THSD4: variants seen among roughly 807,000 people sequenced by gnomAD.
THSD4 encodes the protein thrombospondin type-1 domain-containing protein 4.
Under a neutral mutation model 119.0 loss-of-function variants are expected in THSD4, and 69 were observed. That is an observed-to-expected ratio of 0.58 (90% CI 0.48 to 0.71). The LOEUF (loss-of-function observed/expected upper bound fraction) is 0.71, where lower values mean the gene tolerates loss of function less well. Among genes scored for constraint, THSD4 ranks in the 30% least tolerant of loss-of-function variants. The pLI is 0.00. For missense variants in THSD4, 1,393 were observed against 1,391.1 expected (o/e 1.00, Z -0.02); for synonymous variants, 524 against 540.4 (o/e 0.97, Z 0.42).
chr15:71,223,708 A>G (rs2043992769), intron 4 of THSD4, among the ~76,000 whole-genome samples: 1 of 152,224 alleles, frequency 6.6e-6, no homozygotes, highest in African/African-American at 2.4e-5. Context: ...ATGAGGAAAC[A>G]GCTCAGGTAT....
At chr15:71,664,361 CAAATA>C (rs558420149) in intron 8 of THSD4, among the ~76,000 whole-genome samples, 42 of 151,988 alleles carry the variant, frequency 2.8e-4, no homozygotes, top group African/African-American at 1.0e-3. Context: ...ATTTGTCATG[CAAATA>C]AAACTTTCCC....
chr15:71,454,835 A>G (rs2047315385), intron 7 of THSD4, among the ~76,000 whole-genome samples: 1 of 152,238 alleles, frequency 6.6e-6, no homozygotes, highest in Non-Finnish European at 1.5e-5. Flanking sequence ...AGAATTCATT[A>G]CTAAGACATG....
chr15:71,386,158 G>C (rs1361633790), intron 6 of THSD4, among the ~76,000 whole-genome samples: 1 of 152,172 alleles, frequency 6.6e-6, no homozygotes, highest in African/African-American at 2.4e-5. Context: ...AAATCAGAGA[G>C]TGACAACCAC....
intron 13 of THSD4, among the ~76,000 whole-genome samples, chr15:71,747,964 C>T (rs62023281): frequency 0.029 from 4,427 of 152,214 alleles, 74 homozygotes; most frequent in Non-Finnish European, 0.047. Flanking sequence ...CCTGCCATGG[C>T]GTTGGGTCCT....
At chr15:71,139,439 A>G (rs1380391032) in intron 1 of THSD4, among the ~76,000 whole-genome samples, 1 of 152,230 alleles carries the variant, frequency 6.6e-6, no homozygotes, top group Non-Finnish European at 1.5e-5. Context: ...GCCAAGAGCA[A>G]GAAGACCACA....
intron 8 of THSD4, among the ~76,000 whole-genome samples, chr15:71,721,910 G>A (rs1245410454): frequency 6.6e-6 from 1 of 151,134 alleles, no homozygotes; most frequent in African/African-American, 2.4e-5. Context: ...CCAGGAGTTC[G>A]AGGTTACAGT....
intron 7 of THSD4, among the ~76,000 whole-genome samples, chr15:71,532,556 C>A (rs2140818143): frequency 6.6e-6 from 1 of 152,046 alleles, no homozygotes; most frequent in Admixed American, 6.5e-5. Context: ...ACCTCGCAAT[C>A]TGCCCGCCTT....
At chr15:71,585,793 T>TGC (rs1384494603) in intron 7 of THSD4, among the ~76,000 whole-genome samples, 1 of 152,198 alleles carries the variant, frequency 6.6e-6, no homozygotes, top group East Asian at 1.9e-4. Flanking sequence ...TGTGTGTGTG[T>TGC]GCCTCTTAAC....
intron 7 of THSD4, among the ~76,000 whole-genome samples, chr15:71,640,821 G>C (rs1345437380): frequency 1.3e-5 from 2 of 152,090 alleles, no homozygotes; most frequent in Non-Finnish European, 2.9e-5. Flanking sequence ...TCCCCAGCTA[G>C]ATATTAAGCC....
intron 7 of THSD4, among the ~76,000 whole-genome samples, chr15:71,524,570 C>T (rs575018653): frequency 1.5e-4 from 21 of 144,158 alleles, no homozygotes; most frequent in African/African-American, 2.5e-4. Flanking sequence ...GCTAAGAGCC[C>T]TTCTTGGTTT....
chr15:71,319,183 CT>C (rs1189207652), intron 6 of THSD4, among the ~76,000 whole-genome samples: 4 of 152,102 alleles, frequency 2.6e-5, no homozygotes, highest in Non-Finnish European at 5.9e-5. Flanking sequence ...TAGGACACTC[CT>C]GGTATGTCTA....
chr15:71,462,353 C>G (rs2140618052), intron 7 of THSD4, among the ~76,000 whole-genome samples: 1 of 152,202 alleles, frequency 6.6e-6, no homozygotes, highest in Non-Finnish European at 1.5e-5. Flanking sequence ...GATGAGGTCT[C>G]CTTGTGTTGC....
chr15:71,196,724 A>G (rs1451498808), intron 3 of THSD4, among the ~76,000 whole-genome samples: 1 of 152,152 alleles, frequency 6.6e-6, no homozygotes, highest in African/African-American at 2.4e-5. Context: ...ATTCTAGACA[A>G]GCTGTGAGCA....
chr15:71,539,168 T>G (rs991981558), intron 7 of THSD4, among the ~76,000 whole-genome samples: 2 of 152,228 alleles, frequency 1.3e-5, no homozygotes, highest in African/African-American at 4.8e-5. Context: ...AGAGAACTCT[T>G]CTTTGCTTTC....
chr15:71,426,420 G>A (rs2046869622), intron 7 of THSD4, among the ~76,000 whole-genome samples: 1 of 149,574 alleles, frequency 6.7e-6, no homozygotes, highest in African/African-American at 2.5e-5. Context: ...GGTGCTGAAT[G>A]TCCATTTCCC....
chr15:71,744,147 C>CTTTTTT (rs56158827), intron 11 of THSD4, among the ~76,000 whole-genome samples: 5 of 102,730 alleles, frequency 4.9e-5, no homozygotes, highest in Admixed American at 1.0e-4. Flanking sequence ...ATTGAATCAG[C>CTTTTTT]TTTTTTTTTT....
Position 71,215,230 on chromosome 15 carries a change from G to A in THSD4, c.295G>A (p.Ala99Thr), listed in dbSNP as rs772731888. 35 of 1,423,996 alleles carry A rather than the reference G, an allele frequency of 2.5e-5. No homozygotes were observed. Among genetic ancestry groups the A allele is most frequent in the Middle Eastern group, 5.0e-4 (2 of 3,978 alleles). The allele number at this position is 1,423,996 out of a possible 1,614,324, so 88.2% of individuals were successfully genotyped here. ...GGQRPGAPAR[A>T]FADHVVSAVR... ...CCAGCGGCCTGGCGCCCCTGCGCGC[G>A]CCTTCGCGGACCACGTGGTGTCGGC... The change falls in exon 4 of 18, where the codon GCC (alanine) becomes ACC (threonine). Residue 99 changes from alanine (A) to threonine (T), a missense_variant. Coordinates refer to ENST00000261862, the MANE Select transcript of THSD4 (RefSeq NM_024817.3).
intron 11 of THSD4, among the ~76,000 whole-genome samples, chr15:71,741,964 A>G (rs948516369): frequency 6.6e-6 from 1 of 152,164 alleles, no homozygotes; most frequent in Non-Finnish European, 1.5e-5. Flanking sequence ...CCAGGCGGTG[A>G]TGGCACCAGA....
intron 6 of THSD4, among the ~76,000 whole-genome samples, chr15:71,273,539 T>G (rs749729513): frequency 6.6e-6 from 1 of 152,198 alleles, no homozygotes; most frequent in Non-Finnish European, 1.5e-5. Context: ...GAGTAGATTC[T>G]AAATGTTCTC....
Sources: gnomAD v4.1 joint callset for allele counts (sites outside exome capture counted in the v4.1 genomes callset) on GRCh38, gnomAD v4.1.1 for gene constraint, MANE v1.5 for transcripts, NCBI Gene and HGNC (gene_info 2026-07-23, HGNC 2026-07-21) for gene names.